Variants in CSMD2 observed in about 807,000 individuals in gnomAD.
CSMD2 encodes CUB and Sushi multiple domains 2.
Under a neutral mutation model 398.5 loss-of-function variants are expected in CSMD2, and 130 were observed. The ratio of observed to expected loss-of-function variants is 0.33; its 90% confidence interval spans 0.28 to 0.38. CSMD2 has a LOEUF of 0.38. Ranked by LOEUF, CSMD2 falls within the 10% of genes least tolerant of loss-of-function variation. The probability of loss-of-function intolerance (pLI) is 1.00; values close to 1 mark genes in which losing one functional copy is unlikely to be tolerated. For missense variants in CSMD2, 3,829 were observed against 4,764.9 expected (o/e 0.80, Z 5.78); for synonymous variants, 1,828 against 1,908.5 (o/e 0.96, Z 1.10).
At chr1:33,521,942 T>C (rs1654341730) in intron 67 of CSMD2, among the ~76,000 whole-genome samples, 1 of 152,234 alleles carries the variant, frequency 6.6e-6, no homozygotes, top group Non-Finnish European at 1.5e-5. Context: ...GTAGCTGTTA[T>C]TACTGTGATG....
At chr1:33,776,810 C>T (rs960456099) in intron 12 of CSMD2, among the ~76,000 whole-genome samples, 1 of 151,318 alleles carries the variant, frequency 6.6e-6, no homozygotes, top group East Asian at 1.9e-4. Flanking sequence ...GTGAAAGGAG[C>T]AGGGGGCGAT....
At position 33,645,245 on chromosome 1, in the gene CSMD2, C is replaced by T. The variant is rs901893738; in HGVS notation, c.4774+1403G>A. On this transcript the variant is annotated intron_variant, in intron 29 of 70. Transcript: ENST00000373381. ...GGTAATGCGACCCCATTTGTATGCT[C>T]AGGCTGATGAGGCCTGGGTGAACCC... Among the ~76,000 whole-genome samples, 4 of 151,836 alleles carry T rather than the reference C, an allele frequency of 2.6e-5. No homozygotes were observed. The South Asian group carries it at 8.3e-4, about 32-fold the overall frequency.
At chr1:33,892,205 A>G (rs1281242152) in intron 5 of CSMD2, among the ~76,000 whole-genome samples, 1 of 151,954 alleles carries the variant, frequency 6.6e-6, no homozygotes, top group Non-Finnish European at 1.5e-5. Flanking sequence ...AAAGTCATTT[A>G]GCTTTTGGCA....
chr1:33,553,534 T>C (rs1242112217), intron 55 of CSMD2, among the ~76,000 whole-genome samples: 2 of 152,182 alleles, frequency 1.3e-5, no homozygotes, highest in Non-Finnish European at 2.9e-5. Context: ...AATAGCCCTA[T>C]GATGTCCTCT....
upstream of CSMD2, chr1:34,165,816 A>T: frequency 6.2e-7 from 1 of 1,612,844 alleles, no homozygotes. Context: ...AGCCTCATTC[A>T]CAATAGCCTC....
At chr1:33,843,253 C>A (rs1206812849) in intron 6 of CSMD2, among the ~76,000 whole-genome samples, 1 of 152,188 alleles carries the variant, frequency 6.6e-6, no homozygotes, top group Non-Finnish European at 1.5e-5. Context: ...CTCCTGATAA[C>A]CAGTCCGAAG....
At chr1:34,082,359 GC>G (rs1657312596) in intron 2 of CSMD2, among the ~76,000 whole-genome samples, 1 of 151,546 alleles carries the variant, frequency 6.6e-6, no homozygotes, top group South Asian at 2.1e-4. Flanking sequence ...CCCAGCAGCC[GC>G]CCCGTCTGGG....
At chr1:33,596,192 C>T (rs1370748462) in intron 44 of CSMD2, among the ~76,000 whole-genome samples, 2 of 152,122 alleles carry the variant, frequency 1.3e-5, no homozygotes, top group Non-Finnish European at 2.9e-5. Context: ...CCCTCCTCAC[C>T]CTACTTGGGC....
intron 1 of CSMD2, among the ~76,000 whole-genome samples, chr1:34,095,287 A>T (rs1181071137): frequency 2.2e-5 from 3 of 136,890 alleles, no homozygotes; most frequent in Non-Finnish European, 1.6e-5. Context: ...TATAGCACTA[A>T]ATGCCCACAA....
At position 33,605,317 on chromosome 1, in the gene CSMD2, T is replaced by C. The variant is rs1557608631; in HGVS notation, c.6497A>G (p.Asn2166Ser). Residue 2166 changes from asparagine to serine, a missense_variant, in exon 42 of 71, where the codon AAC becomes AGC. Asn to Ser is a conservative substitution (Grantham distance 46, BLOSUM62 1). Coordinates refer to ENST00000373381, the MANE Select transcript of CSMD2 (RefSeq NM_001281956.2). ...HPVLTCQHGT[N>S]RNWDHPLPKC... is the part of the protein sequence containing the mutation. ...GGGCAGGGGGTGGTCCCAGTTCCGG[T>C]TGGTGCCATGTTGACACGTGAGGAC... 2 of 1,614,164 alleles carry C rather than the reference T, an allele frequency of 1.2e-6. No individual in the cohort carries two copies. The highest frequency in any genetic ancestry group is 2.2e-5 in the East Asian group (1 of 44,886).
At chr1:33,540,419 G>T in intron 60 of CSMD2, 106 bp downstream of exon 60, 1 of 1,112,504 alleles carries the variant, frequency 9.0e-7, no homozygotes, top group South Asian at 1.5e-5. Context: ...CCCTGGTTTT[G>T]GGGAGGGGAC....
rs1443862471 is a variant in CSMD2, at chr1:33,538,027, G to A, written c.9632-418C>T. The stretch of plus-strand genomic sequence containing the variant: ...TGTTTCATTCACTTAGCATTATCTT[G>A]TAAATATTTCCTATGTTTATGACAT... On this transcript the variant is annotated intron_variant, in intron 60 of 70. Transcript: ENST00000373381. 2.0e-5 allele frequency among the ~76,000 whole-genome samples: 3 copies of A among 152,104 alleles called. No individual in the cohort carries two copies. The East Asian group carries it at 5.8e-4, about 29-fold the overall frequency.
intron 13 of CSMD2, among the ~76,000 whole-genome samples, chr1:33,771,122 C>T (rs1651199730): frequency 6.6e-6 from 1 of 152,186 alleles, no homozygotes; most frequent in African/African-American, 2.4e-5. Context: ...CTAGACCCTC[C>T]TCCATTTCTC....
intron 2 of CSMD2, among the ~76,000 whole-genome samples, chr1:34,034,675 A>G (rs546152847): frequency 6.6e-6 from 1 of 152,300 alleles, no homozygotes; most frequent in African/African-American, 2.4e-5. Context: ...TTTTTCTTAA[A>G]CTAGCTTGAC....
chr1:33,710,911 T>G (rs1645966054), intron 21 of CSMD2, among the ~76,000 whole-genome samples: 1 of 152,218 alleles, frequency 6.6e-6, no homozygotes, highest in Non-Finnish European at 1.5e-5. Context: ...CCTCCCTGTG[T>G]CCTGCTCAAT....
chr1:33,707,657 T>C (rs1237511619), intron 22 of CSMD2, among the ~76,000 whole-genome samples: 1 of 150,714 alleles, frequency 6.6e-6, no homozygotes, highest in Non-Finnish European at 1.5e-5. Context: ...GAGTGAGAAA[T>C]GCATTTCAAA....
chr1:33,635,348 TAG>T lies in CSMD2; in HGVS notation c.4970-20_4970-19del, dbSNP rs752782503. On this transcript the variant is annotated intron_variant, in intron 30 of 70. Transcript: ENST00000373381. The surrounding 1 kb of genome is among the most constrained non-coding windows in gnomAD (Gnocchi z 5.0). ...ACAGGGGGCTGAAAGAGAAACCAGA[TAG>T]AGAGTCAGGTGACCTTGTGGGCCTC... is the stretch of plus-strand genomic sequence containing the variant. 2.8e-5 allele frequency: 42 copies of T among 1,481,562 alleles called. No homozygotes were observed. The highest frequency in any genetic ancestry group is 9.1e-5 in the South Asian group (8 of 87,778). 91.8% of individuals were successfully genotyped at this position (1,481,562 alleles called of 1,614,324 possible).
At chr1:33,914,552 T>C (rs1643627915) in intron 5 of CSMD2, among the ~76,000 whole-genome samples, 1 of 152,026 alleles carries the variant, frequency 6.6e-6, no homozygotes, top group Non-Finnish European at 1.5e-5. Context: ...GCAATTAACT[T>C]TTAGGGGGAG....
At chr1:33,764,021 G>A (rs1222881077) in intron 13 of CSMD2, among the ~76,000 whole-genome samples, 1 of 152,148 alleles carries the variant, frequency 6.6e-6, no homozygotes, top group Admixed American at 6.5e-5. Context: ...GATGGGTCAA[G>A]GATATACTTT....
Sources: gnomAD v4.1 joint callset for allele counts (sites outside exome capture counted in the v4.1 genomes callset) on GRCh38, gnomAD v4.1.1 for gene constraint, Gnocchi (gnomAD v3.1) non-coding constraint, MANE v1.5 for transcripts, NCBI Gene and HGNC (gene_info 2026-07-23, HGNC 2026-07-21) for gene names.